Variants in KCNAB1 observed in about 807,000 individuals in gnomAD.
The protein encoded by KCNAB1 is voltage-gated potassium channel subunit beta-1.
Under a neutral mutation model 64.6 loss-of-function variants are expected in KCNAB1, and 35 were observed. The observed-to-expected ratio is 0.54, with a 90% CI of 0.41 to 0.72. The LOEUF (loss-of-function observed/expected upper bound fraction) is 0.72, where lower values mean the gene tolerates loss of function less well. Ranked by LOEUF, KCNAB1 falls within the 30% of genes least tolerant of loss-of-function variation. The probability of loss-of-function intolerance (pLI) is 0.00; values close to 1 mark genes in which losing one functional copy is unlikely to be tolerated. For missense variants in KCNAB1, 401 were observed against 512.9 expected, an observed-to-expected ratio of 0.78 and a Z score of 2.11; for synonymous variants, 177 against 183.8, an observed-to-expected ratio of 0.96 and a Z score of 0.30.
At chr3:156,180,342 T>C (rs1259057910) in intron 1 of KCNAB1, among the ~76,000 whole-genome samples, 1 of 152,218 alleles carries the variant, frequency 6.6e-6, no homozygotes, top group Non-Finnish European at 1.5e-5. Flanking sequence ...CCAATGTTTG[T>C]TTAATTGTGC....
At chr3:156,200,298 T>C (rs756305174) in intron 1 of KCNAB1, among the ~76,000 whole-genome samples, 11 of 152,152 alleles carry the variant, frequency 7.2e-5, no homozygotes, top group Non-Finnish European at 1.3e-4. Flanking sequence ...GAGGCATGGG[T>C]TTCATGGACC....
intron 1 of KCNAB1, among the ~76,000 whole-genome samples, chr3:156,410,863 C>A (rs1220239049): frequency 6.6e-5 from 10 of 152,158 alleles, no homozygotes; most frequent in African/African-American, 1.4e-4. Flanking sequence ...ATCTGGGGGA[C>A]TTTCAACCTC....
intron 1 of KCNAB1, among the ~76,000 whole-genome samples, chr3:156,172,137 G>A (rs1317170517): frequency 6.6e-6 from 1 of 152,178 alleles, no homozygotes; most frequent in Non-Finnish European, 1.5e-5. Context: ...CTTCGTATCT[G>A]TATTCATCAG....
chr3:156,509,622 G>A (rs1197432821), intron 8 of KCNAB1, among the ~76,000 whole-genome samples: 3 of 152,152 alleles, frequency 2.0e-5, no homozygotes, highest in African/African-American at 7.2e-5. Context: ...ATATGTAGTC[G>A]GAGTTGAGAA....
At chr3:156,322,428 TAC>T (rs1473200741) in intron 1 of KCNAB1, among the ~76,000 whole-genome samples, 1 of 152,200 alleles carries the variant, frequency 6.6e-6, no homozygotes, top group African/African-American at 2.4e-5. Flanking sequence ...ACCAAACAAG[TAC>T]AGACATTTTT....
chr3:156,398,244 A>T (rs896406164), intron 1 of KCNAB1, among the ~76,000 whole-genome samples: 9 of 152,080 alleles, frequency 5.9e-5, no homozygotes, highest in African/African-American at 2.2e-4. Flanking sequence ...GGGTGGTGGG[A>T]AAAGGGGAGG....
At chr3:156,230,213 C>G (rs942181816) in intron 1 of KCNAB1, among the ~76,000 whole-genome samples, 3 of 152,180 alleles carry the variant, frequency 2.0e-5, no homozygotes, top group African/African-American at 7.2e-5. Context: ...AATGACATTT[C>G]AGGCAATGAC....
At chr3:156,419,294 A>C (rs1353068832) in intron 1 of KCNAB1, among the ~76,000 whole-genome samples, 1 of 152,058 alleles carries the variant, frequency 6.6e-6, no homozygotes, top group African/African-American at 2.4e-5. Flanking sequence ...CGAGGTCAGG[A>C]GATCGAGACC....
intron 1 of KCNAB1, among the ~76,000 whole-genome samples, chr3:156,351,134 C>G (rs553609700): frequency 6.6e-6 from 1 of 152,368 alleles, no homozygotes; most frequent in South Asian, 2.1e-4. Flanking sequence ...AGAAAGACTG[C>G]TGACTTTTTC....
At chr3:156,151,534 A>G (rs1715410882) in intron 1 of KCNAB1, among the ~76,000 whole-genome samples, 1 of 152,208 alleles carries the variant, frequency 6.6e-6, no homozygotes, top group Admixed American at 6.5e-5. Context: ...TAATATAAAG[A>G]ACACATCTGG....
chr3:156,134,813 A>G (rs1439611344), intron 1 of KCNAB1, among the ~76,000 whole-genome samples: 2 of 152,198 alleles, frequency 1.3e-5, no homozygotes, highest in Middle Eastern at 3.2e-3. Flanking sequence ...ACAAAGTGAA[A>G]CTATTCATTT....
At chr3:156,299,710 G>A (rs1426649329) in intron 1 of KCNAB1, among the ~76,000 whole-genome samples, 1 of 152,148 alleles carries the variant, frequency 6.6e-6, no homozygotes, top group Non-Finnish European at 1.5e-5. Flanking sequence ...CAGAAGCCCA[G>A]CAGTGATTTT....
At chr3:156,342,116 A>G (rs1168407857) in intron 1 of KCNAB1, among the ~76,000 whole-genome samples, 1 of 152,144 alleles carries the variant, frequency 6.6e-6, no homozygotes, top group African/African-American at 2.4e-5. Context: ...GATGCCTTCA[A>G]TAATATTCTG....
intron 1 of KCNAB1, among the ~76,000 whole-genome samples, chr3:156,169,669 A>G (rs889161066): frequency 2.0e-5 from 3 of 152,184 alleles, no homozygotes; most frequent in African/African-American, 7.2e-5. Context: ...CCGTCCCTCT[A>G]GTGCTGTCTC....
rs181404313 is a variant in KCNAB1, at chr3:156,287,786, G to A, written c.276-133830G>A. On this transcript the variant is annotated intron_variant, in intron 1 of 13. Transcript: ENST00000490337. The stretch of plus-strand genomic sequence containing the variant: ...GAGCCAACAGCCTGGGTGGCAGAGT[G>A]AGACTCCATCTTAAAAAAAAAAAAA... 1.5e-3 allele frequency among the ~76,000 whole-genome samples: 221 copies of A among 150,720 alleles called. 1 individual carries two copies. The highest frequency in any genetic ancestry group is 4.9e-3 in the African/African-American group (202 of 41,018).
At chr3:156,376,111 C>CA (rs1483229571) in intron 1 of KCNAB1, among the ~76,000 whole-genome samples, 2 of 152,250 alleles carry the variant, frequency 1.3e-5, no homozygotes, top group African/African-American at 4.8e-5. Flanking sequence ...TGAACCACCT[C>CA]ACCCAGCCTT....
intron 1 of KCNAB1, among the ~76,000 whole-genome samples, chr3:156,182,714 A>G (rs201653462): frequency 1.3e-5 from 1 of 77,978 alleles, no homozygotes; most frequent in Non-Finnish European, 2.6e-5. Context: ...TTTTTTTTTT[A>G]TTTTGCGGAG....
At chr3:156,199,800 C>A (rs1248102761) in intron 1 of KCNAB1, among the ~76,000 whole-genome samples, 1 of 152,174 alleles carries the variant, frequency 6.6e-6, no homozygotes, top group African/African-American at 2.4e-5. Flanking sequence ...TATTACCCAC[C>A]TTCTGAAGCC....
intron 1 of KCNAB1, among the ~76,000 whole-genome samples, chr3:156,282,314 C>G (rs1452754741): frequency 6.7e-6 from 1 of 149,308 alleles, no homozygotes; most frequent in East Asian, 2.0e-4. Flanking sequence ...AGTTTGATTG[C>G]ACTATGGTCT....
Sources: gnomAD v4.1 joint callset for allele counts (sites outside exome capture counted in the v4.1 genomes callset) on GRCh38, gnomAD v4.1.1 for gene constraint, MANE v1.5 for transcripts, NCBI Gene and HGNC (gene_info 2026-07-23, HGNC 2026-07-21) for gene names.